The following SPSB4 variants were observed in gnomAD, a reference collection of about 807,000 sequenced individuals.
The protein encoded by SPSB4 is splA/ryanodine receptor domain and SOCS box containing 4.
In SPSB4, 21 loss-of-function variants were observed where a neutral mutation model predicts 20.9. That is an observed-to-expected ratio of 1.01 (90% CI 0.71 to 1.45). SPSB4 has a LOEUF of 1.45. Among genes scored for constraint, SPSB4 ranks in the 40% most tolerant of loss-of-function variants. The probability of loss-of-function intolerance (pLI) is 0.00; values close to 1 mark genes in which losing one functional copy is unlikely to be tolerated. For missense variants in SPSB4, 399 were observed against 399.2 expected (o/e 1.00, Z 0.00); for synonymous variants, 207 against 183.8 (o/e 1.13, Z -1.02).
chr3:141,143,234 C>T (rs1939365789), intron 2 of SPSB4, among the ~76,000 whole-genome samples: 1 of 152,178 alleles, frequency 6.6e-6, no homozygotes, highest in Non-Finnish European at 1.5e-5. Context: ...CCCACTTTAC[C>T]TTAAGTTTAT....
At chr3:141,069,874 G>A (rs140661546) in intron 2 of SPSB4, among the ~76,000 whole-genome samples, 131 of 152,246 alleles carry the variant, frequency 8.6e-4, no homozygotes, top group Middle Eastern at 3.4e-3. Flanking sequence ...ATGAAAGTAA[G>A]GTAATGGATA....
chr3:141,137,697 G>A (rs1470847450), intron 2 of SPSB4, among the ~76,000 whole-genome samples: 2 of 152,146 alleles, frequency 1.3e-5, no homozygotes, highest in East Asian at 1.9e-4. Flanking sequence ...ACTTGATCAT[G>A]GTGGATAAGC....
intron 2 of SPSB4, among the ~76,000 whole-genome samples, chr3:141,073,515 A>G (rs1388031309): frequency 1.3e-5 from 2 of 152,148 alleles, no homozygotes; most frequent in Non-Finnish European, 2.9e-5. Context: ...CCTTTACTTC[A>G]CAGAATAAGC....
At chr3:141,137,663 C>T (rs142994432) in intron 2 of SPSB4, among the ~76,000 whole-genome samples, 147 of 152,296 alleles carry the variant, frequency 9.7e-4, no homozygotes, top group African/African-American at 3.2e-3. Context: ...GTTGAACCAG[C>T]GTTGCATCCC....
At chr3:141,083,241 A>C (rs905443096) in intron 2 of SPSB4, among the ~76,000 whole-genome samples, 1 of 152,046 alleles carries the variant, frequency 6.6e-6, no homozygotes, top group African/African-American at 2.4e-5. Flanking sequence ...GATGGAGGAG[A>C]TAGAGGGCTA....
intron 2 of SPSB4, among the ~76,000 whole-genome samples, chr3:141,071,596 C>T (rs1206636793): frequency 6.6e-6 from 1 of 152,170 alleles, no homozygotes; most frequent in African/African-American, 2.4e-5. Flanking sequence ...GGCCACACAG[C>T]TAGCAAATGA....
intron 2 of SPSB4, among the ~76,000 whole-genome samples, chr3:141,117,371 C>T (rs1164874168): frequency 6.6e-6 from 1 of 152,188 alleles, no homozygotes; most frequent in Admixed American, 6.5e-5. Context: ...CCCAACCACG[C>T]TAAGTTCCAA....
At chr3:141,139,761 C>T (rs532772224) in intron 2 of SPSB4, among the ~76,000 whole-genome samples, 41 of 152,314 alleles carry the variant, frequency 2.7e-4, no homozygotes, top group Admixed American at 2.0e-3. Flanking sequence ...CTCAGGCTGC[C>T]CTTAACACTT....
At chr3:141,105,628 C>G (rs1367840779) in intron 2 of SPSB4, among the ~76,000 whole-genome samples, 1 of 152,174 alleles carries the variant, frequency 6.6e-6, no homozygotes, top group Non-Finnish European at 1.5e-5. Context: ...AGACATACAG[C>G]TAATACACGG....
intron 2 of SPSB4, among the ~76,000 whole-genome samples, chr3:141,136,715 C>T (rs1192001861): frequency 1.3e-5 from 2 of 152,104 alleles, no homozygotes; most frequent in Non-Finnish European, 2.9e-5. Flanking sequence ...GTTTTGGTAC[C>T]AGTACCGTGC....
intron 1 of SPSB4, among the ~76,000 whole-genome samples, chr3:141,053,356 T>C (rs1219089677): frequency 6.6e-6 from 1 of 152,064 alleles, no homozygotes; most frequent in Non-Finnish European, 1.5e-5. Flanking sequence ...TTAAAAATGG[T>C]AATGAAAAGA....
chr3:141,133,764 G>A (rs1287401562), intron 2 of SPSB4, among the ~76,000 whole-genome samples: 1 of 152,072 alleles, frequency 6.6e-6, no homozygotes, highest in Non-Finnish European at 1.5e-5. Flanking sequence ...CTTAGGCTAT[G>A]TGAGCTCTTT....
chr3:141,073,737 C>T (rs1938050027), intron 2 of SPSB4, among the ~76,000 whole-genome samples: 1 of 152,216 alleles, frequency 6.6e-6, no homozygotes, highest in Non-Finnish European at 1.5e-5. Context: ...CACAGGGGGA[C>T]TTGAGTCACA....
intron 1 of SPSB4, among the ~76,000 whole-genome samples, chr3:141,061,871 G>T (rs1937772766): frequency 6.6e-6 from 1 of 151,786 alleles, no homozygotes; most frequent in South Asian, 2.1e-4. Flanking sequence ...AAGTAGCTGG[G>T]ACTACAGGCG....
intron 2 of SPSB4, among the ~76,000 whole-genome samples, chr3:141,112,323 G>A (rs1938811922): frequency 3.3e-5 from 5 of 152,208 alleles, no homozygotes; most frequent in Admixed American, 3.3e-4. Context: ...CAAGTTTGTG[G>A]TAGAGCCAGT....
At chr3:141,097,190 AGGCCATTGCTGTAGTCT>A (rs370665134) in intron 2 of SPSB4, among the ~76,000 whole-genome samples, 242 of 152,276 alleles carry the variant, frequency 1.6e-3, no homozygotes, top group African/African-American at 5.7e-3. Context: ...GCCCTTACAT[AGGCCATTGCTGTAGTCT>A]GGCCAGGGCC....
intron 1 of SPSB4, among the ~76,000 whole-genome samples, chr3:141,053,074 C>A (rs530700684): frequency 6.6e-6 from 1 of 152,252 alleles, no homozygotes; most frequent in South Asian, 2.1e-4. Flanking sequence ...CGCGGTGTGA[C>A]CTTGGGCAAG....
chr3:141,073,475 A>G (rs1037663943), intron 2 of SPSB4, among the ~76,000 whole-genome samples: 1 of 152,218 alleles, frequency 6.6e-6, no homozygotes, highest in African/African-American at 2.4e-5. Context: ...CAGTCCTTAC[A>G]TAGTGTGTAG....
chr3:141,124,587 C>T (rs1939021721), intron 2 of SPSB4, among the ~76,000 whole-genome samples: 1 of 151,986 alleles, frequency 6.6e-6, no homozygotes, highest in South Asian at 2.1e-4. Context: ...ATAATGGAGT[C>T]AGGAAGATAG....
Sources: gnomAD v4.1 joint callset for allele counts (sites outside exome capture counted in the v4.1 genomes callset) on GRCh38, gnomAD v4.1.1 for gene constraint, MANE v1.5 for transcripts, NCBI Gene and HGNC (gene_info 2026-07-23, HGNC 2026-07-21) for gene names.